CPNE7: variants seen among roughly 807,000 people sequenced by gnomAD.
The protein encoded by CPNE7 is copine-7.
Under a neutral mutation model 66.5 loss-of-function variants are expected in CPNE7, and 78 were observed. The observed-to-expected ratio is 1.17, with a 90% CI of 0.98 to 1.42. The LOEUF is 1.42. Among genes scored for constraint, CPNE7 ranks in the 40% most tolerant of loss-of-function variants. The pLI is 0.00. For missense variants in CPNE7, 1,012 were observed against 776.6 expected, an observed-to-expected ratio of 1.30 and a Z score of -3.60; for synonymous variants, 468 against 336.7, an observed-to-expected ratio of 1.39 and a Z score of -4.27.
At position 89,587,068 on chromosome 16, in the gene CPNE7, A is replaced by G; in HGVS notation, c.893A>G (p.Asp298Gly). ...TTCCACAGGGTGTACTCCTTCCTGG[A>G]CTATATCATGGGCGGCTGCCAGATC... ...LKFHRVYSFL[D>G]YIMGGCQIHF... Residue 298 changes from aspartate to glycine, a missense_variant, in exon 9 of 15, where the codon GAC (aspartate) becomes GGC (glycine). Transcript: ENST00000319518. 1 of 1,578,608 alleles carries G rather than the reference A, an allele frequency of 6.3e-7. No individual in the cohort carries two copies. Among genetic ancestry groups the G allele is most frequent in the South Asian group, 1.2e-5 (1 of 86,644 alleles).
Position 89,584,203 on chromosome 16 carries a change from G to C in CPNE7, c.507+101G>C, listed in dbSNP as rs559628089. On this transcript the variant is annotated intron_variant, in intron 4 of 14. Transcript: ENST00000319518. The surrounding 1 kb of genome is among the most constrained non-coding windows in gnomAD (Gnocchi z 6.0). ...CGCTGACCTCGCGTGGCTATGTCCCGTGTGAGACGTGTGCGGAGTGTGCCT... is the reference window on the plus strand; with the variant it reads ...CGCTGACCTCGCGTGGCTATGTCCCCTGTGAGACGTGTGCGGAGTGTGCCT... The C allele has an allele frequency of 8.6e-7, 1 of 1,167,558 alleles. No individual in the cohort carries two copies. The highest frequency in any genetic ancestry group is 1.2e-6 in the Non-Finnish European group (1 of 824,584). 72.3% of individuals were successfully genotyped at this position (1,167,558 alleles called of 1,614,324 possible). A position where few individuals can be genotyped will look rare whatever the true frequency, so the allele number is the denominator to read the frequency against.
chr16:89,589,687 G>A (rs1048946782), intron 10 of CPNE7, among the ~76,000 whole-genome samples: 8 of 152,156 alleles, frequency 5.3e-5, no homozygotes, highest in South Asian at 2.1e-4. Flanking sequence ...AGGCAGGCTC[G>A]CGGGCGGCAG....
At chr16:89,583,962 C>T (rs1260985910) in intron 3 of CPNE7, 66 bp from the exon 4 acceptor site, 20 of 1,574,718 alleles carry the variant, frequency 1.3e-5, no homozygotes, top group South Asian at 2.3e-5. Context: ...CCTGGGGCCT[C>T]TGGTCCCCCA....
In CPNE7 at chr16:89,584,966, C is replaced by G. The variant is rs940504638; in HGVS notation, c.591+109C>G. ...CCAGCCTCCAACAGGGAGCTGTGGG[C>G]GCAGGGCTTTGGTGGCTGTGGCTAT... On this transcript the variant is annotated intron_variant, in intron 5 of 14. Coordinates refer to ENST00000319518, the MANE Select transcript of CPNE7 (RefSeq NM_153636.3). The surrounding 1 kb of genome is among the most constrained non-coding windows in gnomAD (Gnocchi z 6.0). 6.9e-6 allele frequency: 7 copies of G among 1,008,786 alleles called. No homozygotes were observed. The highest frequency in any genetic ancestry group is 1.4e-5 in the South Asian group (1 of 72,396). The allele number at this position is 1,008,786 out of a possible 1,614,324, so 62.5% of individuals were successfully genotyped here. A position where few individuals can be genotyped will look rare whatever the true frequency, so the allele number is the denominator to read the frequency against.
chr16:89,580,355 G>GC (rs2058933455), intron 2 of CPNE7, among the ~76,000 whole-genome samples: 1 of 126,716 alleles, frequency 7.9e-6, no homozygotes, highest in African/African-American at 3.2e-5. Context: ...CCCATCACCC[G>GC]TCACACGGAA....
intron 2 of CPNE7, 139 bp from the exon 3 acceptor site, chr16:89,583,558 G>A (rs772025823): frequency 4.4e-6 from 7 of 1,591,862 alleles, no homozygotes; most frequent in Admixed American, 3.6e-5. Flanking sequence ...AAGGGGGCGC[G>A]GGCCCTGGGC....
At chr16:89,587,126 GCCGCCCCCTCAGTCCGTGGCC>G (rs1273338057) in intron 9 of CPNE7, 24 bp downstream of exon 9, 1 of 1,165,314 alleles carries the variant, frequency 8.6e-7, no homozygotes, top group East Asian at 3.1e-5. Context: ...CCCGCCCCAT[GCCGCCCCCTCAGTCCGTGGCC>G]CCGCCCCGCC....
rs545191453 is a variant in CPNE7 at position 89,584,218 on chromosome 16, G to A, written c.507+116G>A. The A allele has an allele frequency of 4.6e-4, 484 of 1,048,706 alleles. No homozygotes were observed. In the African/African-American group the frequency reaches 4.6e-3, roughly 10 times the overall value. 65.0% of individuals were successfully genotyped at this position (1,048,706 alleles called of 1,614,324 possible). On this transcript the variant is annotated intron_variant, in intron 4 of 14. Coordinates refer to ENST00000319518, the MANE Select transcript of CPNE7 (RefSeq NM_153636.3). The surrounding 1 kb of genome is among the most constrained non-coding windows in gnomAD (Gnocchi z 6.0). ...GCTATGTCCCGTGTGAGACGTGTGC[G>A]GAGTGTGCCTGGGGCTGGGCGTGCT...
intron 9 of CPNE7, 100 bp from the exon 10 acceptor site, chr16:89,588,575 C>A: frequency 1.3e-6 from 2 of 1,496,518 alleles, no homozygotes; most frequent in Non-Finnish European, 1.8e-6. Context: ...CGACCCCTGA[C>A]CCTGAGTCCT....
At chr16:89,585,649 C>G in intron 6 of CPNE7, 38 bp from the exon 7 acceptor site, 1 of 1,553,098 alleles carries the variant, frequency 6.4e-7, no homozygotes, top group African/African-American at 1.4e-5. Context: ...GTCCTGGGGC[C>G]CCCAGACAGC....
intron 10 of CPNE7, 138 bp from the exon 11 acceptor site, chr16:89,589,759 C>T: frequency 1.2e-6 from 1 of 857,354 alleles, no homozygotes; most frequent in East Asian, 2.6e-5. Flanking sequence ...TTCCCCACCT[C>T]TGGCAGGTGC....
At position 89,584,939 on chromosome 16, in the gene CPNE7, TCCCAG is replaced by T; in HGVS notation, c.591+85_591+89del. 1.6e-6 allele frequency: 2 copies of T among 1,242,086 alleles called. No homozygotes were observed. The highest frequency in any genetic ancestry group is 2.3e-6 in the Non-Finnish European group (2 of 858,582). 76.9% of individuals were successfully genotyped at this position (1,242,086 alleles called of 1,614,324 possible). The stretch of plus-strand genomic sequence containing the variant: ...GCATCTCTGGCCACATGGGAGGAGC[TCCCAG>T]CCTCCAACAGGGAGCTGTGGGCGCA... On this transcript the variant is annotated intron_variant, in intron 5 of 14. Coordinates refer to ENST00000319518, the MANE Select transcript of CPNE7 (RefSeq NM_153636.3). The surrounding 1 kb of genome is among the most constrained non-coding windows in gnomAD (Gnocchi z 6.0).
chr16:89,591,842 A>G (rs1256667930), intron 13 of CPNE7, among the ~76,000 whole-genome samples: 1 of 151,884 alleles, frequency 6.6e-6, no homozygotes, highest in Non-Finnish European at 1.5e-5. Flanking sequence ...CTGGGACTAC[A>G]GGCGCCCGCC....
rs371576080 is a variant in CPNE7 at position 89,584,730 on chromosome 16, G to A, written c.508-44G>A. The A allele has an allele frequency of 4.1e-5, 60 of 1,477,348 alleles. 1 individual carries two copies. The Middle Eastern group carries it at 1.2e-3, about 29-fold the overall frequency. 91.5% of individuals were successfully genotyped at this position (1,477,348 alleles called of 1,614,324 possible). On this transcript the variant is annotated intron_variant, in intron 4 of 14. Coordinates refer to ENST00000319518, the MANE Select transcript of CPNE7 (RefSeq NM_153636.3). The surrounding 1 kb of genome is among the most constrained non-coding windows in gnomAD (Gnocchi z 6.0). ...CAAAGCCAGCTCCCATCCAAAGCCC[G>A]ATCTCACAGTGCCTGGCCCAGCAGC...
In CPNE7 at chr16:89,575,965, A is replaced by G; in HGVS notation, c.68A>G (p.Lys23Arg). The change falls in exon 1 of 15, where the codon AAG becomes AGG. Residue 23 changes from lysine to arginine, a missense_variant. By Grantham distance (26) the Lys-to-Arg change is conservative (BLOSUM62 2). Coordinates refer to ENST00000319518, the MANE Select transcript of CPNE7 (RefSeq NM_153636.3). The part of the protein sequence containing the change: ...PGGLPAPCAS[K>R]VELRLSCRHL... Reference sequence around the variant, plus strand: ...GGTTTGCCCGCGCCCTGCGCCTCGAAGGTGGAGCTGCGGCTCAGCTGCCGG... The same window carrying G: ...GGTTTGCCCGCGCCCTGCGCCTCGAGGGTGGAGCTGCGGCTCAGCTGCCGG... 7.3e-7 allele frequency: 1 copy of G among 1,363,170 alleles called. No individual in the cohort carries two copies. The highest frequency in any genetic ancestry group is 3.3e-5 in the Admixed American group (1 of 30,722). 84.4% of individuals were successfully genotyped at this position (1,363,170 alleles called of 1,614,324 possible).
Position 89,584,697 on chromosome 16 carries a change from G to A in CPNE7, c.508-77G>A. On this transcript the variant is annotated intron_variant, in intron 4 of 14. Transcript: ENST00000319518. The surrounding 1 kb of genome is among the most constrained non-coding windows in gnomAD (Gnocchi z 6.0). ...GGCTGGTGGCATGAAGTGAGCCCTG[G>A]GAAACGACAAAGCCAGCTCCCATCC... The A allele has an allele frequency of 9.0e-7, 1 of 1,105,736 alleles. No homozygotes were observed. The highest frequency in any genetic ancestry group is 1.4e-6 in the Non-Finnish European group (1 of 739,286). 68.5% of individuals were successfully genotyped at this position (1,105,736 alleles called of 1,614,324 possible). A position where few individuals can be genotyped will look rare whatever the true frequency, so the allele number is the denominator to read the frequency against.
chr16:89,585,997 G>A (rs1239698908), intron 7 of CPNE7, among the ~76,000 whole-genome samples: 13 of 122,632 alleles, frequency 1.1e-4, no homozygotes. Flanking sequence ...GGAGGTTCAG[G>A]TGAGGGGGGC....
rs2058882892 is a variant in CPNE7, at chr16:89,577,738, C to T, written c.357+17C>T. The T allele has an allele frequency of 1.9e-6, 3 of 1,572,940 alleles. No homozygotes were observed. Among genetic ancestry groups the T allele is most frequent in the East Asian group, 2.3e-5 (1 of 42,996 alleles). On this transcript the variant is annotated intron_variant, in intron 2 of 14. Transcript: ENST00000319518. Reference sequence around the variant, plus strand: ...CTGGGGCAGGTGGGTGCCCCGTCCCCTCGGAGGGAGGAGGACGGTTGGCGT... The same window carrying T: ...CTGGGGCAGGTGGGTGCCCCGTCCCTTCGGAGGGAGGAGGACGGTTGGCGT...
intron 1 of CPNE7, among the ~76,000 whole-genome samples, chr16:89,577,006 CG>C (rs1251771745): frequency 6.6e-6 from 1 of 152,224 alleles, no homozygotes; most frequent in Non-Finnish European, 1.5e-5. Context: ...GTGAGCTGTA[CG>C]GGTGGCCCAT....
Sources: gnomAD v4.1 joint callset for allele counts (sites outside exome capture counted in the v4.1 genomes callset) on GRCh38, gnomAD v4.1.1 for gene constraint, Gnocchi (gnomAD v3.1) non-coding constraint, MANE v1.5 for transcripts, NCBI Gene and HGNC (gene_info 2026-07-23, HGNC 2026-07-21) for gene names.